Variants in ATP13A5 observed in about 807,000 individuals in gnomAD.
ATP13A5 encodes the protein probable cation-transporting ATPase 13A5.
ATP13A5 carries 149 observed loss-of-function variants against 150.2 expected under a neutral mutation model. The ratio of observed to expected loss-of-function variants is 0.99; its 90% CI spans 0.87 to 1.14. The LOEUF is 1.14. ATP13A5 is among the 50% of genes most tolerant of loss of function. The pLI is 0.00. For synonymous variants in ATP13A5, 497 were observed against 522.2 expected (o/e 0.95, Z 0.66); for missense variants, 1,383 against 1,449.3 (o/e 0.95, Z 0.74).
At chr3:193,373,219 A>C (rs1577378154) in intron 1 of ATP13A5, among the ~76,000 whole-genome samples, 1 of 151,962 alleles carries the variant, frequency 6.6e-6, no homozygotes, top group Non-Finnish European at 1.5e-5. Context: ...GCTCACTGCA[A>C]CCTCTGCCTC....
intron 12 of ATP13A5, among the ~76,000 whole-genome samples, chr3:193,330,463 A>C (rs1471201123): frequency 6.6e-6 from 1 of 152,266 alleles, no homozygotes; most frequent in Admixed American, 6.5e-5. Flanking sequence ...GCTTTACAGC[A>C]GTTAAACTGG....
intron 20 of ATP13A5, among the ~76,000 whole-genome samples, chr3:193,311,282 G>T (rs532021122): frequency 2.0e-5 from 3 of 152,266 alleles, no homozygotes; most frequent in East Asian, 3.9e-4. Flanking sequence ...ACAGATAGTT[G>T]CTGCCCTCCC....
intron 29 of ATP13A5, among the ~76,000 whole-genome samples, chr3:193,276,109 C>G (rs1717188165): frequency 6.6e-6 from 1 of 152,040 alleles, no homozygotes; most frequent in South Asian, 2.1e-4. Flanking sequence ...AATGGAATCC[C>G]CTTTAAACAT....
At position 193,331,114 on chromosome 3, in the gene ATP13A5, G is replaced by A; in HGVS notation, c.1461+9C>T. 6.2e-7 allele frequency: 1 copy of A among 1,611,874 alleles called. No individual in the cohort carries two copies. Among genetic ancestry groups the A allele is most frequent in the Non-Finnish European group, 8.5e-7 (1 of 1,178,620 alleles). On this transcript the variant is annotated intron_variant, in intron 12 of 29. Coordinates refer to ENST00000342358, the MANE Select transcript of ATP13A5 (RefSeq NM_198505.4). The stretch of plus-strand genomic sequence containing the variant: ...CATTAACATTAAACCTGAGAAGTCT[G>A]GATCATACTTTGTCAAAGCACACGA...
Position 193,327,012 on chromosome 3 carries a change from G to C in ATP13A5, c.1507C>G (p.Pro503Ala). The change falls in exon 13 of 30, where the codon CCT becomes GCT. Residue 503 changes from proline (P) to alanine (A), a missense_variant. Physicochemically the swap from Pro to Ala is conservative, Grantham distance 27. Around this residue, in one of 3 missense-constraint regions of ATP13A5, gnomAD observed 787 missense variants for 771.9 expected, o/e 1.02. Coordinates refer to ENST00000342358, the MANE Select transcript of ATP13A5 (RefSeq NM_198505.4). ...EDGLDLWGTV[P>A]TADNCFQEAH... ...GAGGCCTACCAGTTGTCAGCAGTAG[G>C]GACAGTCCCCCAGAGGTCCAGCCCA... 6.2e-7 allele frequency: 1 copy of C among 1,613,682 alleles called. No homozygotes were observed. The highest frequency in any genetic ancestry group is 1.1e-5 in the South Asian group (1 of 90,970).
At chr3:193,322,399 A>C (rs750868222) in intron 15 of ATP13A5, 92 bp downstream of exon 15, 9 of 1,021,050 alleles carry the variant, frequency 8.8e-6, no homozygotes, top group Non-Finnish European at 6.0e-6. Context: ...TGATAAGGCA[A>C]AATAATAGGA....
rs1711918880 is a variant in ATP13A5 at position 193,337,324 on chromosome 3, C to T, written c.944-2225G>A. On this transcript the variant is annotated intron_variant, in intron 9 of 29. Coordinates refer to ENST00000342358, the MANE Select transcript of ATP13A5 (RefSeq NM_198505.4). ...TGAAGTCGTTGCCCATGCCTATGTCCTGAATGGTATTGCCTAGGTTTTCTT... is the reference window on the plus strand; with the variant it reads ...TGAAGTCGTTGCCCATGCCTATGTCTTGAATGGTATTGCCTAGGTTTTCTT... Among the ~76,000 whole-genome samples the T allele has an allele frequency of 2.0e-5, 3 of 152,184 alleles. 1 individual carries two copies. The highest frequency in any genetic ancestry group is 2.0e-4 in the Admixed American group (3 of 15,272).
intron 27 of ATP13A5, among the ~76,000 whole-genome samples, chr3:193,282,451 T>A (rs1199734472): frequency 6.6e-6 from 1 of 151,924 alleles, no homozygotes; most frequent in African/African-American, 2.4e-5. Flanking sequence ...CTCAGCTCAC[T>A]GCAACCTCCG....
In ATP13A5 at chr3:193,341,175, C is replaced by A. The variant is rs200301696; in HGVS notation, c.943+2752G>T. Reference sequence around the variant, plus strand: ...CTAAATTAACATATTCCCCCCCCCTCCCAAATGATATTCCCTTTTGTCTCC... The same window carrying A: ...CTAAATTAACATATTCCCCCCCCCTACCAAATGATATTCCCTTTTGTCTCC... On this transcript the variant is annotated intron_variant, in intron 9 of 29. Coordinates refer to ENST00000342358, the MANE Select transcript of ATP13A5 (RefSeq NM_198505.4). Among the ~76,000 whole-genome samples, 9 of 55,344 alleles carry A rather than the reference C, an allele frequency of 1.6e-4. No homozygotes were observed. The East Asian group carries it at 4.6e-3, about 28-fold the overall frequency. The allele number at this position is 55,344 out of a possible 152,430, so 36.3% of individuals were successfully genotyped here. A position where few individuals can be genotyped will look rare whatever the true frequency, so the allele number is the denominator to read the frequency against.
intron 12 of ATP13A5, among the ~76,000 whole-genome samples, chr3:193,329,461 G>A (rs895700726): frequency 2.3e-5 from 1 of 43,870 alleles, no homozygotes; most frequent in Admixed American, 2.4e-4. Context: ...AAAGTGAACA[G>A]CCTCGGGAAA....
chr3:193,368,223 T>C (rs1713306502), intron 1 of ATP13A5, among the ~76,000 whole-genome samples: 1 of 152,092 alleles, frequency 6.6e-6, no homozygotes, highest in Admixed American at 6.6e-5. Context: ...TATAATACCT[T>C]CAAAGAAAGA....
chr3:193,368,392 T>TTTGTGTGTGTG (rs1553823591), intron 1 of ATP13A5, among the ~76,000 whole-genome samples: 1 of 147,248 alleles, frequency 6.8e-6, no homozygotes, highest in Non-Finnish European at 1.5e-5. Flanking sequence ...CTCTTCAGAC[T>TTTGTGTGTGTG]TGTGTGTGTG....
chr3:193,354,984 A>G (rs35040051), intron 5 of ATP13A5, among the ~76,000 whole-genome samples: 77,052 of 144,990 alleles, frequency 0.53, 20,839 homozygotes, highest in African/African-American at 0.6. Context: ...CCAGGCTGGA[A>G]TGCAATGGCA....
chr3:193,322,392 T>A (rs988494058), intron 15 of ATP13A5, 99 bp downstream of exon 15: 8 of 954,408 alleles, frequency 8.4e-6, no homozygotes, highest in Non-Finnish European at 1.3e-5. Flanking sequence ...ACTGTTATGA[T>A]AAGGCAAAAT....
rs758259682 is a variant in ATP13A5 at position 193,351,151 on chromosome 3, C to T, written c.657G>A (p.Leu219=). Residue 219 remains leucine (L), a synonymous_variant, in exon 7 of 30, where the codon CTG becomes CTA. Coordinates refer to ENST00000342358, the MANE Select transcript of ATP13A5 (RefSeq NM_198505.4). The part of the protein sequence containing the change: ...VFQAFTLTLW[L]SQGYIEYSVA... ...CAGAGTATTCTATGTAACCTTGAGA[C>T]AGCCACAAAGTTAGGGTGAAGGCTT... The T allele has an allele frequency of 6.2e-6, 10 of 1,613,852 alleles. No individual in the cohort carries two copies. The highest frequency in any genetic ancestry group is 3.3e-5 in the Admixed American group (2 of 60,016).
intron 11 of ATP13A5, among the ~76,000 whole-genome samples, chr3:193,333,422 G>A (rs1259361083): frequency 6.6e-6 from 1 of 152,136 alleles, no homozygotes; most frequent in Non-Finnish European, 1.5e-5. Flanking sequence ...GCTATGACAA[G>A]GAGCATCCAA....
chr3:193,325,597 C>T (rs1719440313), intron 13 of ATP13A5, among the ~76,000 whole-genome samples: 1 of 152,194 alleles, frequency 6.6e-6, no homozygotes, highest in African/African-American at 2.4e-5. Flanking sequence ...GAAAGCCACA[C>T]AGCCTAGGCA....
chr3:193,335,157 G>T, intron 9 of ATP13A5, 58 bp from the exon 10 acceptor site: 1 of 1,518,088 alleles, frequency 6.6e-7, no homozygotes, highest in Non-Finnish European at 9.1e-7. Context: ...GTCAGAACTG[G>T]TGCATGCCAG....
chr3:193,351,838 A>G (rs962198279), intron 6 of ATP13A5, among the ~76,000 whole-genome samples: 2 of 152,332 alleles, frequency 1.3e-5, no homozygotes, highest in African/African-American at 4.8e-5. Flanking sequence ...AAAGCTGGTC[A>G]CTCATACATG....
Sources: gnomAD v4.1 joint callset for allele counts (sites outside exome capture counted in the v4.1 genomes callset) on GRCh38, gnomAD v4.1.1 for gene constraint, gnomAD v4.1.1 regional missense constraint, MANE v1.5 for transcripts, NCBI Gene and HGNC (gene_info 2026-07-23, HGNC 2026-07-21) for gene names.